PRPF39: variants seen among roughly 807,000 people sequenced by gnomAD.
PRPF39 encodes pre-mRNA-processing factor 39.
Under a neutral mutation model 82.1 loss-of-function variants are expected in PRPF39, and 27 were observed. The observed-to-expected ratio is 0.33, with a 90% CI of 0.24 to 0.45. The LOEUF (loss-of-function observed/expected upper bound fraction) is 0.45, where lower values mean the gene tolerates loss of function less well. Among genes scored for constraint, PRPF39 ranks in the 20% least tolerant of loss-of-function variants. PRPF39 has a pLI of 1.00. For missense variants in PRPF39, 581 were observed against 796.9 expected (o/e 0.73, Z 3.26); for synonymous variants, 261 against 256.4 (o/e 1.02, Z -0.17).
At chr14:45,090,013 A>T (rs1264334632) in intron 1 of PRPF39, among the ~76,000 whole-genome samples, 1 of 152,220 alleles carries the variant, frequency 6.6e-6, no homozygotes, top group African/African-American at 2.4e-5. Context: ...TGCTGATTCC[A>T]GAAGAAACCC....
At chr14:45,099,347 C>T (rs1225188100) in intron 4 of PRPF39, among the ~76,000 whole-genome samples, 2 of 151,758 alleles carry the variant, frequency 1.3e-5, no homozygotes, top group Non-Finnish European at 2.9e-5. Context: ...CTGAGTTTTT[C>T]TTTTCTTCTT....
intron 5 of PRPF39, among the ~76,000 whole-genome samples, chr14:45,103,265 C>T (rs897231435): frequency 2.6e-5 from 4 of 152,014 alleles, no homozygotes; most frequent in Non-Finnish European, 5.9e-5. Context: ...ACTGTTAAAA[C>T]AACTAATTCT....
chr14:45,103,776 AAC>A (rs2139055244), intron 5 of PRPF39, among the ~76,000 whole-genome samples: 1 of 152,330 alleles, frequency 6.6e-6, no homozygotes, highest in African/African-American at 2.4e-5. Context: ...ATAGTTACCA[AAC>A]ACATAAGTAC....
intron 1 of PRPF39, among the ~76,000 whole-genome samples, chr14:45,092,328 C>T (rs1884055449): frequency 6.6e-6 from 1 of 152,120 alleles, no homozygotes. Context: ...ATCGGCTGTG[C>T]ACGGTGGCTC....
At position 45,110,066 on chromosome 14, in the gene PRPF39, T is replaced by G; in HGVS notation, c.1177-28T>G. The G allele has an allele frequency of 6.2e-7, 1 of 1,610,422 alleles. No individual in the cohort carries two copies. Among genetic ancestry groups the G allele is most frequent in the African/African-American group, 1.3e-5 (1 of 74,912 alleles). ...TAATGGCTTGTTCAACTGTAAATTA[T>G]TCAGTATTTCCTCTTTTCTGTATGT... is the stretch of plus-strand genomic sequence containing the variant. On this transcript the variant is annotated intron_variant, in intron 8 of 13. Transcript: ENST00000355765. The surrounding 1 kb of genome is among the most constrained non-coding windows in gnomAD (Gnocchi z 4.0).
intron 6 of PRPF39, among the ~76,000 whole-genome samples, chr14:45,107,860 C>T (rs890644075): frequency 2.0e-5 from 3 of 151,658 alleles, no homozygotes; most frequent in African/African-American, 7.3e-5. Context: ...ACCTGGAAGG[C>T]GGAGGTTGCA....
At chr14:45,106,854 A>G (rs1362534015) in intron 5 of PRPF39, among the ~76,000 whole-genome samples, 1 of 152,188 alleles carries the variant, frequency 6.6e-6, no homozygotes, top group Non-Finnish European at 1.5e-5. Context: ...GGAGGACCAT[A>G]CTACAAAACA....
At chr14:45,100,840 C>T (rs1884352656) in intron 4 of PRPF39, among the ~76,000 whole-genome samples, 1 of 152,088 alleles carries the variant, frequency 6.6e-6, no homozygotes, top group African/African-American at 2.4e-5. Context: ...TTAATTCTTA[C>T]TGGTTCCTGA....
intron 6 of PRPF39, 25 bp from the exon 7 acceptor site, chr14:45,108,387 TTTA>T: frequency 6.4e-7 from 1 of 1,559,396 alleles, no homozygotes; most frequent in Non-Finnish European, 8.6e-7. Flanking sequence ...GTTTGTGAGA[TTTA>T]TTTTTTTCCC....
chr14:45,086,525 A>T (rs771573698), intron 1 of PRPF39, among the ~76,000 whole-genome samples: 1 of 152,152 alleles, frequency 6.6e-6, no homozygotes, highest in Non-Finnish European at 1.5e-5. Flanking sequence ...GAGGACTTTT[A>T]TTAGTCTGGG....
rs142452711 is a variant in PRPF39 at position 45,098,880 on chromosome 14, T to C, written c.569+1875T>C. The stretch of plus-strand genomic sequence containing the variant: ...ATTTCATGTCCAACTTTTAGAAGAG[T>C]GTGTCCTATAACTTCTTGTTAAAGG... On this transcript the variant is annotated intron_variant, in intron 4 of 13. Coordinates refer to ENST00000355765, the MANE Select transcript of PRPF39 (RefSeq NM_017922.4). 3.2e-3 allele frequency among the ~76,000 whole-genome samples: 487 copies of C among 152,310 alleles called. 1 individual carries two copies. The highest frequency in any genetic ancestry group is 0.011 in the African/African-American group (471 of 41,562).
intron 10 of PRPF39, 131 bp from the exon 11 acceptor site, chr14:45,112,187 T>C: frequency 2.4e-6 from 2 of 826,348 alleles, no homozygotes; most frequent in Non-Finnish European, 3.5e-6. Flanking sequence ...TGAAAACATT[T>C]AGCATGAGTT....
At chr14:45,114,417 A>G in intron 12 of PRPF39, 77 bp from the exon 13 acceptor site, 1 of 1,437,960 alleles carries the variant, frequency 7.0e-7, no homozygotes, top group Non-Finnish European at 9.3e-7. Context: ...AAACAAATAT[A>G]CAGATAACAT....
rs528381204 is a variant in PRPF39 at position 45,095,478 on chromosome 14, A to G, written c.239A>G (p.Glu80Gly). 3.7e-6 allele frequency: 6 copies of G among 1,613,950 alleles called. No individual in the cohort carries two copies. Among genetic ancestry groups the G allele is most frequent in the East Asian group, 2.2e-5 (1 of 44,878 alleles). Residue 80 changes from glutamate to glycine, a missense_variant, in exon 2 of 14, where the codon GAA (glutamate) becomes GGA (glycine). Transcript: ENST00000355765. ...LTETEANFPPEYEKFWKTVEN... is the reference protein window; with the variant it reads ...LTETEANFPPGYEKFWKTVEN... ...GAAACAGAAGCAAATTTCCCTCCAG[A>G]ATATGAAAAATTTTGGAAAACTGTA... is the stretch of plus-strand genomic sequence containing the variant.
chr14:45,113,333 T>C (rs1183803570), intron 11 of PRPF39, among the ~76,000 whole-genome samples: 2 of 152,252 alleles, frequency 1.3e-5, no homozygotes, highest in Non-Finnish European at 2.9e-5. Flanking sequence ...GCCAAATGTT[T>C]TATATTAGCT....
chr14:45,105,614 C>T (rs1482709951), intron 5 of PRPF39, among the ~76,000 whole-genome samples: 3 of 151,266 alleles, frequency 2.0e-5, no homozygotes, highest in Admixed American at 1.3e-4. Flanking sequence ...GCAGCCTCCA[C>T]CTCCCAGGTT....
intron 1 of PRPF39, among the ~76,000 whole-genome samples, chr14:45,093,571 T>C (rs1022117015): frequency 6.7e-6 from 1 of 150,356 alleles, no homozygotes. Context: ...TTTTTTTTTT[T>C]TGAGACGGAG....
At chr14:45,094,578 TTTTAAGTAACA>T (rs1884140611) in intron 1 of PRPF39, among the ~76,000 whole-genome samples, 1 of 152,166 alleles carries the variant, frequency 6.6e-6, no homozygotes, top group African/African-American at 2.4e-5. Flanking sequence ...CTTAAATGTG[TTTTAAGTAACA>T]TTTATTCACT....
intron 1 of PRPF39, among the ~76,000 whole-genome samples, chr14:45,087,740 ATTTTTTT>A (rs35926249): frequency 9.7e-5 from 12 of 123,434 alleles, no homozygotes; most frequent in South Asian, 5.3e-4. Flanking sequence ...TGCCCGGCTA[ATTTTTTT>A]TTTTTTTTTT....
Sources: allele counts gnomAD v4.1 joint callset (sites outside exome capture counted in the v4.1 genomes callset), GRCh38; gene constraint gnomAD v4.1.1; non-coding constraint Gnocchi (gnomAD v3.1); transcripts MANE v1.5; gene names NCBI Gene and HGNC (gene_info 2026-07-23, HGNC 2026-07-21).